The following SYNE1 variants were observed in gnomAD, a reference collection of about 807,000 sequenced individuals.
SYNE1 encodes the protein spectrin repeat containing nuclear envelope protein 1, also known as nesprin-1.
Under a neutral mutation model 1,111.0 loss-of-function variants are expected in SYNE1, and 616 were observed. The observed-to-expected ratio is 0.55, with a 90% confidence interval of 0.52 to 0.59. The LOEUF (loss-of-function observed/expected upper bound fraction) is 0.59, where lower values mean the gene tolerates loss of function less well. Ranked by LOEUF, SYNE1 falls within the 20% of genes least tolerant of loss-of-function variation. SYNE1 has a pLI of 0.00. For synonymous variants in SYNE1, 3,855 were observed against 3,825.8 expected (o/e 1.01, Z -0.28); for missense variants, 10,006 against 10,417.0 (o/e 0.96, Z 1.72).
At chr6:152,292,210 C>A (rs2094639089) in intron 95 of SYNE1, among the ~76,000 whole-genome samples, 1 of 152,146 alleles carries the variant, frequency 6.6e-6, no homozygotes, top group African/African-American at 2.4e-5. Context: ...GACTAGCAGT[C>A]TAGTGATAAA....
chr6:152,167,693 T>A (rs1434726065), intron 130 of SYNE1: 2 of 493,576 alleles, frequency 4.1e-6, no homozygotes, highest in Non-Finnish European at 8.3e-6. Flanking sequence ...AAAGGAAAGC[T>A]TTCAACTACA....
intron 60 of SYNE1, 92 bp downstream of exon 60, chr6:152,369,376 GTCT>G (rs2097138996): frequency 6.4e-7 from 1 of 1,571,730 alleles, no homozygotes; most frequent in Non-Finnish European, 8.7e-7. Flanking sequence ...CGGCAGCACA[GTCT>G]AACTCAAGGG....
At chr6:152,155,800 T>C (rs1339567521) in intron 132 of SYNE1, 110 bp downstream of exon 132, 1 of 1,337,460 alleles carries the variant, frequency 7.5e-7, no homozygotes, top group Non-Finnish European at 1.1e-6. Flanking sequence ...GCCACAGCTA[T>C]TTTTGGACAT....
intron 145 of SYNE1, chr6:152,125,355 T>A: frequency 3.2e-6 from 5 of 1,550,048 alleles, no homozygotes; most frequent in Non-Finnish European, 4.4e-6. Flanking sequence ...CTAAAGCCTC[T>A]GGTCATAAGG....
At chr6:152,350,563 A>G in intron 71 of SYNE1, 55 bp downstream of exon 71, 2 of 1,609,790 alleles carry the variant, frequency 1.2e-6, no homozygotes, top group Admixed American at 3.3e-5. Flanking sequence ...GAAAGGAGTC[A>G]GGGCCCACAT....
chr6:152,526,285 T>C, intron 4 of SYNE1, 110 bp from the exon 5 acceptor site: 1 of 1,040,310 alleles, frequency 9.6e-7, no homozygotes, highest in Middle Eastern at 2.2e-4. Flanking sequence ...AGGAGAGGCT[T>C]CTATATACTT....
At chr6:152,169,455 G>A (rs552509621) in intron 130 of SYNE1, among the ~76,000 whole-genome samples, 20 of 150,842 alleles carry the variant, frequency 1.3e-4, no homozygotes, top group African/African-American at 4.4e-4. Flanking sequence ...CCAGCTACTC[G>A]GGAGGCTGAG....
At chr6:152,629,538 AGGGGGAGGGGAGGAGGG>A (rs2099693900) in intron 2 of SYNE1, among the ~76,000 whole-genome samples, 3 of 13,928 alleles carry the variant, frequency 2.2e-4, no homozygotes, top group African/African-American at 1.2e-3. Flanking sequence ...GGGGGGGGGG[AGGGGGAGGGGAGGAGGG>A]GGTGCAGTGG....
chr6:152,216,307 G>A (rs572561719), intron 121 of SYNE1, among the ~76,000 whole-genome samples: 3 of 152,308 alleles, frequency 2.0e-5, no homozygotes, highest in Non-Finnish European at 2.9e-5. Flanking sequence ...TATTCTAGTA[G>A]TCAAAAGTGC....
intron 14 of SYNE1, 98 bp from the exon 15 acceptor site, chr6:152,472,511 C>G (rs2098812431): frequency 2.7e-6 from 3 of 1,117,588 alleles, no homozygotes; most frequent in Admixed American, 3.9e-5. Flanking sequence ...TCAATGTATT[C>G]AACAATTTGA....
intron 63 of SYNE1, 82 bp downstream of exon 63, chr6:152,364,765 G>A (rs2097032677): frequency 1.9e-6 from 3 of 1,561,516 alleles, no homozygotes; most frequent in Non-Finnish European, 2.6e-6. Context: ...AGGGAAGCCG[G>A]CCACAGGAAT....
chr6:152,177,659 T>C (rs1586934921), intron 129 of SYNE1, among the ~76,000 whole-genome samples: 2 of 152,302 alleles, frequency 1.3e-5, no homozygotes, highest in East Asian at 3.9e-4. Context: ...ACCCTCCTTT[T>C]TATGTTATTT....
At position 152,416,919 on chromosome 6, in the gene SYNE1, G is replaced by A; in HGVS notation, c.5518C>T (p.His1840Tyr). 1 of 1,614,100 alleles carries A rather than the reference G, an allele frequency of 6.2e-7. No individual in the cohort carries two copies. The highest frequency in any genetic ancestry group is 8.5e-7 in the Non-Finnish European group (1 of 1,179,994). ...TCCTCAGCCTTTCCCTGCAGGAGGT[G>A]GAGGTCCTCAGCACGGCCCAGAGAA... ...LGSLGRAEDL[H>Y]LLQGKAEDCF... is the part of the protein sequence containing the mutation. Residue 1840 changes from histidine to tyrosine, a missense_variant, in exon 41 of 146, where the codon CAC becomes TAC. Physicochemically the swap from His to Tyr is moderately conservative, Grantham distance 83. Coordinates refer to ENST00000367255, the MANE Select transcript of SYNE1 (RefSeq NM_182961.4).
At chr6:152,581,208 G>A (rs2099518142) in intron 3 of SYNE1, among the ~76,000 whole-genome samples, 1 of 152,206 alleles carries the variant, frequency 6.6e-6, no homozygotes, top group African/African-American at 2.4e-5. Flanking sequence ...GCTAAACCAT[G>A]TATGGGCCTG....
intron 105 of SYNE1, among the ~76,000 whole-genome samples, chr6:152,245,726 C>A (rs1476172704): frequency 6.6e-6 from 1 of 152,174 alleles, no homozygotes; most frequent in Non-Finnish European, 1.5e-5. Context: ...CAACAGAAAT[C>A]TCTGGAACTC....
At chr6:152,521,734 T>A (rs577491783) in intron 5 of SYNE1, among the ~76,000 whole-genome samples, 1 of 152,204 alleles carries the variant, frequency 6.6e-6, no homozygotes, top group Non-Finnish European at 1.5e-5. Flanking sequence ...GTTTTGAAGA[T>A]GTATTTTATA....
intron 127 of SYNE1, among the ~76,000 whole-genome samples, chr6:152,193,704 T>C (rs1301553178): frequency 1.3e-5 from 2 of 152,140 alleles, no homozygotes; most frequent in South Asian, 2.1e-4. Flanking sequence ...TCTTTTCATC[T>C]TTCTACTTAA....
rs1386998081 is a variant in SYNE1, at chr6:152,436,020, G to C, written c.4231C>G (p.Gln1411Glu). Reference protein sequence around the residue: ...KEASEIPLGPQNKQLLQQQAK... With the variant: ...KEASEIPLGPENKQLLQQQAK... The stretch of plus-strand genomic sequence containing the variant: ...TGCTGTTGAAGCAGCTGCTTATTTT[G>C]GGGCCCAAGCGGTATCTCTGAAGCT... The change falls in exon 33 of 146, where the codon CAA becomes GAA. Residue 1411 changes from glutamine (Q) to glutamate (E), a missense_variant. Coordinates refer to ENST00000367255, the MANE Select transcript of SYNE1 (RefSeq NM_182961.4). 4.3e-6 allele frequency: 7 copies of C among 1,613,946 alleles called. No homozygotes were observed. The highest frequency in any genetic ancestry group is 5.1e-6 in the Non-Finnish European group (6 of 1,180,012).
At chr6:152,430,406 G>T in intron 35 of SYNE1, 76 bp downstream of exon 35, 1 of 1,346,788 alleles carries the variant, frequency 7.4e-7, no homozygotes, top group Non-Finnish European at 1.1e-6. Flanking sequence ...TCCACTATTT[G>T]TAAAGTATTT....
Sources: allele counts gnomAD v4.1 joint callset (sites outside exome capture counted in the v4.1 genomes callset), GRCh38; gene constraint gnomAD v4.1.1; transcripts MANE v1.5; gene names NCBI Gene and HGNC (gene_info 2026-07-23, HGNC 2026-07-21).